ABTB3: variants seen among roughly 807,000 people sequenced by gnomAD.
The protein encoded by ABTB3 is ankyrin repeat- and BTB/POZ domain-containing protein 3.
the ABTB3 span, among the ~76,000 whole-genome samples, chr12:107,388,271 CCTT>C: frequency 6.6e-6 from 1 of 152,016 alleles, no homozygotes; most frequent in East Asian, 1.9e-4. Context: ...CGCACCCGGC[CCTT>C]CTTCTTTCTT....
the ABTB3 span, among the ~76,000 whole-genome samples, chr12:107,404,560 C>T: frequency 5.9e-5 from 9 of 152,272 alleles, no homozygotes; most frequent in East Asian, 1.2e-3. Flanking sequence ...AAAGCGACTC[C>T]GAAAAATGTA....
At chr12:107,580,735 G>A in the ABTB3 span, 1 of 1,298,026 alleles carries the variant, frequency 7.7e-7, no homozygotes, top group South Asian at 1.5e-5. Flanking sequence ...CCACAATCAG[G>A]GAGCCCCAAA....
the ABTB3 span, among the ~76,000 whole-genome samples, chr12:107,601,392 G>A: frequency 1.3e-5 from 2 of 152,216 alleles, no homozygotes; most frequent in African/African-American, 4.8e-5. Context: ...TTGAAGTGGT[G>A]AAAATTGGCT....
chr12:107,450,363 A>G, the ABTB3 span, among the ~76,000 whole-genome samples: 1 of 152,178 alleles, frequency 6.6e-6, no homozygotes, highest in Admixed American at 6.5e-5. Flanking sequence ...GTACAAATAT[A>G]TTTGATCATA....
At chr12:107,562,117 G>A in the ABTB3 span, among the ~76,000 whole-genome samples, 1 of 152,164 alleles carries the variant, frequency 6.6e-6, no homozygotes, top group Non-Finnish European at 1.5e-5. Flanking sequence ...GTACACAGAA[G>A]GTACTTACTT....
At chr12:107,543,868 C>G in the ABTB3 span, 1 of 1,437,232 alleles carries the variant, frequency 7.0e-7, no homozygotes, top group South Asian at 1.3e-5. Context: ...CCACAGAGAT[C>G]TTCAGGTACA....
At chr12:107,498,301 A>C in the ABTB3 span, among the ~76,000 whole-genome samples, 1 of 152,224 alleles carries the variant, frequency 6.6e-6, no homozygotes, top group Non-Finnish European at 1.5e-5. Flanking sequence ...AAGTGAAATT[A>C]GATGTCTGGA....
chr12:107,546,142 A>G, the ABTB3 span, among the ~76,000 whole-genome samples: 2 of 152,296 alleles, frequency 1.3e-5, no homozygotes, highest in South Asian at 4.1e-4. Flanking sequence ...GTAAAGCTTC[A>G]TGAAGGCAGA....
chr12:107,359,916 G>T, the ABTB3 span, among the ~76,000 whole-genome samples: 1 of 152,048 alleles, frequency 6.6e-6, no homozygotes, highest in Non-Finnish European at 1.5e-5. Flanking sequence ...CAGGGTTATT[G>T]CCAATTTTAT....
the ABTB3 span, among the ~76,000 whole-genome samples, chr12:107,514,910 G>T: frequency 6.6e-6 from 1 of 152,176 alleles, no homozygotes; most frequent in South Asian, 2.1e-4. Context: ...GTAGTCGAAA[G>T]CTGGGTTAGT....
chr12:107,659,287 T>C, the ABTB3 span: 1 of 152,262 alleles, frequency 6.6e-6, no homozygotes. Flanking sequence ...GATATCTGTC[T>C]ACAGTATTGG....
the ABTB3 span, chr12:107,612,951 A>G: frequency 7.7e-7 from 1 of 1,304,770 alleles, no homozygotes; most frequent in Non-Finnish European, 1.1e-6. Context: ...TTTTTCTCCC[A>G]AGAGCTGCCA....
the ABTB3 span, among the ~76,000 whole-genome samples, chr12:107,432,556 A>G: frequency 1.3e-5 from 2 of 152,188 alleles, no homozygotes; most frequent in Non-Finnish European, 2.9e-5. Context: ...ACAAATATTT[A>G]TGGTGGTGCC....
chr12:107,494,909 C>T, the ABTB3 span, among the ~76,000 whole-genome samples: 1 of 152,190 alleles, frequency 6.6e-6, no homozygotes, highest in South Asian at 2.1e-4. Context: ...TTGCAGTCCC[C>T]CTGGAGCCTG....
the ABTB3 span, among the ~76,000 whole-genome samples, chr12:107,612,454 A>T: frequency 1.3e-5 from 2 of 152,258 alleles, no homozygotes; most frequent in African/African-American, 4.8e-5. Context: ...TGCAGAATCA[A>T]TCTAGAAAGT....
the ABTB3 span, among the ~76,000 whole-genome samples, chr12:107,432,740 A>G: frequency 6.6e-6 from 1 of 152,160 alleles, no homozygotes; most frequent in African/African-American, 2.4e-5. Flanking sequence ...AGTTGCTAAA[A>G]ATGCAAATTC....
chr12:107,486,330 G>A, the ABTB3 span, among the ~76,000 whole-genome samples: 1 of 152,140 alleles, frequency 6.6e-6, no homozygotes, highest in Admixed American at 6.5e-5. Context: ...TAGCCTGAGT[G>A]CCTTTTCTGT....
chr12:107,364,976 G>A, the ABTB3 span, among the ~76,000 whole-genome samples: 1 of 152,120 alleles, frequency 6.6e-6, no homozygotes, highest in Non-Finnish European at 1.5e-5. Flanking sequence ...CTGTCACAGT[G>A]GTTGCTCCAG....
At chr12:107,538,901 C>T in the ABTB3 span, among the ~76,000 whole-genome samples, 3 of 152,136 alleles carry the variant, frequency 2.0e-5, no homozygotes, top group Non-Finnish European at 4.4e-5. Context: ...TCAGACTCTT[C>T]GTCAGACTTT....
Sources: gnomAD v4.1 joint callset for allele counts (sites outside exome capture counted in the v4.1 genomes callset) on GRCh38, gnomAD v4.1.1 for gene constraint, MANE v1.5 for transcripts, NCBI Gene and HGNC (gene_info 2026-07-23, HGNC 2026-07-21) for gene names.